Variants in ZNF385C observed in about 807,000 individuals in gnomAD.
The protein encoded by ZNF385C is zinc finger protein 385C, also known as CTD-2132N18.2.
ZNF385C carries 28 observed loss-of-function variants against 35.4 expected under a neutral mutation model. The observed-to-expected ratio is 0.79, with a 90% CI of 0.59 to 1.08. ZNF385C has a LOEUF of 1.08. ZNF385C is among the 50% of genes least tolerant of loss of function. The pLI is 0.00. For missense variants in ZNF385C, 605 were observed against 595.6 expected (o/e 1.02, Z -0.16); for synonymous variants, 248 against 248.2 (o/e 1.00, Z 0.01).
In ZNF385C at chr17:42,027,026, CA is replaced by C. The variant is rs1555654270; in HGVS notation, c.1382del (p.Leu461ArgfsTer64). ...ATAICALPGP[L>X]ALRPAPTAAT... is the part of the protein sequence containing the mutation. Reference sequence around the variant, plus strand: ...CTGCTGTAGGGGCAGGGCGGAGGGCCAGGGGCCCTGGCAGAGCACAGATGGC... The same window carrying C: ...CTGCTGTAGGGGCAGGGCGGAGGGCCGGGGCCCTGGCAGAGCACAGATGGC... On this transcript the variant is annotated frameshift_variant, in exon 9 of 9. Transcript: ENST00000692273. LOFTEE classifies it high-confidence loss of function. The C allele has an allele frequency of 5.0e-6, 8 of 1,607,842 alleles. No homozygotes were observed. The highest frequency in any genetic ancestry group is 1.7e-5 in the Admixed American group (1 of 59,384).
intron 1 of ZNF385C, among the ~76,000 whole-genome samples, chr17:42,069,101 C>T (rs531249542): frequency 1.7e-4 from 26 of 152,278 alleles, no homozygotes; most frequent in African/African-American, 6.3e-4. Flanking sequence ...CCCTCTGTTC[C>T]CTGTCTTCCC....
At chr17:42,082,941 G>A (rs1398686086) in intron 1 of ZNF385C, among the ~76,000 whole-genome samples, 1 of 152,088 alleles carries the variant, frequency 6.6e-6, no homozygotes, top group African/African-American at 2.4e-5. Flanking sequence ...AGCCAGGATG[G>A]TGGTGCACGC....
chr17:42,071,321 G>GA (rs2053621277), intron 1 of ZNF385C, among the ~76,000 whole-genome samples: 1 of 152,172 alleles, frequency 6.6e-6, no homozygotes. Context: ...TCCAAGGGAG[G>GA]GAGAGAGGGC....
intron 2 of ZNF385C, chr17:42,043,297 C>T: frequency 8.1e-7 from 1 of 1,232,272 alleles, no homozygotes; most frequent in East Asian, 3.2e-5. Context: ...CTCCTCTTTC[C>T]AGTGCTCGTT....
chr17:42,040,307 G>C, intron 2 of ZNF385C: 6 of 1,231,730 alleles, frequency 4.9e-6, no homozygotes, highest in Non-Finnish European at 6.1e-6. Flanking sequence ...TAACCGAGCA[G>C]CTCCACGCCG....
chr17:42,079,366 C>T (rs1555659563), intron 1 of ZNF385C, among the ~76,000 whole-genome samples: 1 of 122,054 alleles, frequency 8.2e-6, no homozygotes, highest in Non-Finnish European at 1.6e-5. Context: ...GCCTGGGTGA[C>T]AGTGAGACTC....
At chr17:42,063,337 TG>T (rs2053493745) in intron 1 of ZNF385C, among the ~76,000 whole-genome samples, 1 of 152,190 alleles carries the variant, frequency 6.6e-6, no homozygotes, top group Admixed American at 6.5e-5. Flanking sequence ...GACACCAGCC[TG>T]ACCAACATGG....
intron 1 of ZNF385C, among the ~76,000 whole-genome samples, chr17:42,093,108 G>A (rs2143959275): frequency 6.6e-6 from 1 of 152,346 alleles, no homozygotes; most frequent in African/African-American, 2.4e-5. Context: ...GGGAGCGATG[G>A]GGAGGCCACA....
chr17:42,046,824 CTT>C (rs1246915125), intron 2 of ZNF385C, among the ~76,000 whole-genome samples: 1 of 149,744 alleles, frequency 6.7e-6, no homozygotes, highest in Non-Finnish European at 1.5e-5. Context: ...TGAAAGAACT[CTT>C]GTTTCTGAGA....
chr17:42,041,901 C>T (rs1224149086), intron 2 of ZNF385C, among the ~76,000 whole-genome samples: 7 of 152,258 alleles, frequency 4.6e-5, no homozygotes, highest in South Asian at 2.1e-4. Context: ...GAGGGAACAC[C>T]CTGCTCTCCA....
chr17:42,037,891 GGA>G lies in ZNF385C; in HGVS notation c.251-8_251-7del. On this transcript the variant is annotated splice_region_variant and splice_polypyrimidine_tract_variant and intron_variant, in intron 2 of 8. Coordinates refer to ENST00000692273, the MANE Select transcript of ZNF385C (RefSeq NM_001392013.1). ...GGCGCCGGAGGCCGGGCCTGCTGCAGGAGGAAGAAGGGCAGGGTCTGAAATGG... is the reference window on the plus strand; with the variant it reads ...GGCGCCGGAGGCCGGGCCTGCTGCAGGGAAGAAGGGCAGGGTCTGAAATGG... The G allele has an allele frequency of 6.5e-7, 1 of 1,532,894 alleles. No homozygotes were observed. The highest frequency in any genetic ancestry group is 8.8e-7 in the Non-Finnish European group (1 of 1,137,010). The allele number at this position is 1,532,894 out of a possible 1,614,324, so 95.0% of individuals were successfully genotyped here.
intron 1 of ZNF385C, among the ~76,000 whole-genome samples, chr17:42,064,588 C>G (rs2053521015): frequency 6.6e-6 from 1 of 152,082 alleles, no homozygotes; most frequent in African/African-American, 2.4e-5. Context: ...AAGATGGAGT[C>G]TCGCTGTGTC....
intron 5 of ZNF385C, 123 bp from the exon 6 acceptor site, chr17:42,029,196 A>G: frequency 8.5e-7 from 1 of 1,173,270 alleles, no homozygotes; most frequent in South Asian, 1.6e-5. Flanking sequence ...TCCAGGCCCC[A>G]CTTTTCTACC....
At chr17:42,028,278 C>A in intron 6 of ZNF385C, 32 bp from the exon 7 acceptor site, 1 of 1,512,218 alleles carries the variant, frequency 6.6e-7, no homozygotes, top group African/African-American at 1.4e-5. Flanking sequence ...CTCTCAGCAG[C>A]AGGAAGGGGT....
At chr17:42,088,083 T>C (rs1357471926) in intron 1 of ZNF385C, among the ~76,000 whole-genome samples, 2 of 152,216 alleles carry the variant, frequency 1.3e-5, no homozygotes, top group East Asian at 3.8e-4. Context: ...GTTATGAGGA[T>C]TACCTGAGTC....
At chr17:42,045,900 T>TAATAGAGCCTCCCG (rs2053149646) in intron 2 of ZNF385C, among the ~76,000 whole-genome samples, 1 of 152,208 alleles carries the variant, frequency 6.6e-6, no homozygotes, top group South Asian at 2.1e-4. Context: ...ATACTTCTGT[T>TAATAGAGCCTCCCG]AATAGAGCCT....
chr17:42,031,046 T>A (rs1488250028), intron 5 of ZNF385C, among the ~76,000 whole-genome samples: 4 of 151,238 alleles, frequency 2.6e-5, no homozygotes, highest in Admixed American at 2.6e-4. Context: ...TTGTAGTCTC[T>A]TTTTTTGGGG....
intron 4 of ZNF385C, 76 bp downstream of exon 4, chr17:42,034,149 G>A: frequency 1.7e-6 from 2 of 1,166,690 alleles, no homozygotes; most frequent in Admixed American, 2.0e-5. Context: ...CTCCCAGAAG[G>A]ACTCTGAAAG....
intron 2 of ZNF385C, chr17:42,038,899 G>C (rs1025935584): frequency 9.2e-5 from 14 of 152,324 alleles, no homozygotes; most frequent in Admixed American, 5.2e-4. Context: ...AAACAAGCAC[G>C]GTCATCTACT....
Sources: gnomAD v4.1 joint callset for allele counts (sites outside exome capture counted in the v4.1 genomes callset) on GRCh38, gnomAD v4.1.1 for gene constraint, MANE v1.5 for transcripts, NCBI Gene and HGNC (gene_info 2026-07-23, HGNC 2026-07-21) for gene names.